SH3KBP1: variants seen among roughly 807,000 people sequenced by gnomAD.
SH3KBP1 encodes SH3 domain-containing kinase-binding protein 1.
Under a neutral mutation model 50.1 loss-of-function variants are expected in SH3KBP1, and 8 were observed. That is an observed-to-expected ratio of 0.16 (90% confidence interval 0.09 to 0.29). The LOEUF (loss-of-function observed/expected upper bound fraction) is 0.29, where lower values mean the gene tolerates loss of function less well. Among genes scored for constraint, SH3KBP1 ranks in the 10% least tolerant of loss-of-function variants. The pLI, the probability that SH3KBP1 is intolerant of heterozygous loss-of-function variation, is 1.00. For missense variants in SH3KBP1, 377 were observed against 535.2 expected, an observed-to-expected ratio of 0.70 and a Z score of 2.92; for synonymous variants, 227 against 218.6, an observed-to-expected ratio of 1.04 and a Z score of -0.34.
rs764969436 is a variant in SH3KBP1 at position 19,569,141 on chromosome X, A to G, written c.1346T>C (p.Ile449Thr). The G allele has an allele frequency of 1.7e-6, 2 of 1,211,728 alleles. No individual in the cohort carries two copies. The highest frequency in any genetic ancestry group is 3.5e-5 in the South Asian group (2 of 57,023). ...IDLAGSSLSG[I>T]LDKDLSDRSN... ...GCGGTCCGAGAGATCTTTGTCCAGG[A>G]TGCCAGATAGCGAACTGCCGGCCAA... Residue 449 changes from isoleucine to threonine, a missense_variant, in exon 13 of 18, where the codon ATC becomes ACC. By Grantham distance (89) the Ile-to-Thr change is moderately conservative. Coordinates refer to ENST00000397821, the MANE Select transcript of SH3KBP1 (RefSeq NM_031892.3).
At chrX:19,608,136 C>A in intron 8 of SH3KBP1, 91 bp from the exon 9 acceptor site, 1 of 714,472 alleles carries the variant, frequency 1.4e-6, no homozygotes, top group Non-Finnish European at 2.1e-6. Flanking sequence ...GAGGCCCTTT[C>A]CTGGAGGTCC....
chrX:19,616,086 C>T (rs1395872489), intron 8 of SH3KBP1, among the ~76,000 whole-genome samples: 3 of 110,788 alleles, frequency 2.7e-5, no homozygotes, highest in Admixed American at 1.9e-4. Flanking sequence ...CTCAGTCTCT[C>T]GAGCAGCCAA....
intron 2 of SH3KBP1, among the ~76,000 whole-genome samples, chrX:19,778,430 CAA>C (rs374544534): frequency 6.4e-5 from 3 of 46,524 alleles, no homozygotes; most frequent in African/African-American, 7.6e-5. Flanking sequence ...GACTCCATCT[CAA>C]AAAAAAAAAA....
chrX:19,877,236 G>T (rs1195716296), intron 1 of SH3KBP1, among the ~76,000 whole-genome samples: 1 of 111,904 alleles, frequency 8.9e-6, no homozygotes. Flanking sequence ...TGTTTTTGCT[G>T]GTTTTGTTTT....
intron 7 of SH3KBP1, among the ~76,000 whole-genome samples, chrX:19,641,416 T>A (rs1384959337): frequency 8.9e-6 from 1 of 112,765 alleles, no homozygotes; most frequent in Admixed American, 9.4e-5. Flanking sequence ...GTATTTCAAG[T>A]TTCATTATAT....
At chrX:19,577,942 T>C (rs749991248) in intron 12 of SH3KBP1, among the ~76,000 whole-genome samples, 7 of 110,273 alleles carry the variant, frequency 6.3e-5, no homozygotes, top group Non-Finnish European at 1.3e-4. Flanking sequence ...CCTACAAAAT[T>C]TGACAAGGAG....
At chrX:19,787,631 A>G (rs4825314) in intron 2 of SH3KBP1, among the ~76,000 whole-genome samples, 29,473 of 111,316 alleles carry the variant, frequency 0.26, 4,768 homozygotes, top group African/African-American at 0.62. Flanking sequence ...AGCATCTGTG[A>G]TGGGGACACA....
At chrX:19,696,466 G>T (rs766636516) in intron 4 of SH3KBP1, among the ~76,000 whole-genome samples, 82 of 111,689 alleles carry the variant, frequency 7.3e-4, no homozygotes, top group Non-Finnish European at 1.3e-3. Flanking sequence ...AGGGTTCTAA[G>T]TTACCCTAAG....
chrX:19,861,115 G>A (rs2068764261), intron 1 of SH3KBP1, among the ~76,000 whole-genome samples: 1 of 111,437 alleles, frequency 9.0e-6, no homozygotes. Context: ...GGTGGCTCAC[G>A]CCTGTAATCC....
chrX:19,804,038 G>T (rs1221718628), intron 2 of SH3KBP1, among the ~76,000 whole-genome samples: 1 of 111,896 alleles, frequency 8.9e-6, no homozygotes, highest in African/African-American at 3.3e-5. Context: ...CAGGCATGGT[G>T]GCGGGTGCCT....
chrX:19,852,736 C>T (rs1157627177), intron 1 of SH3KBP1, among the ~76,000 whole-genome samples: 1 of 110,779 alleles, frequency 9.0e-6, no homozygotes, highest in Admixed American at 9.7e-5. Context: ...AGGCCTGCTG[C>T]CCTTCTACAT....
At position 19,745,202 on chromosome X, in the gene SH3KBP1, C is replaced by T. The variant is rs542094990; in HGVS notation, c.286+1116G>A. 2.4e-3 allele frequency among the ~76,000 whole-genome samples: 265 copies of T among 112,473 alleles called. 1 individual carries two copies. The highest frequency in any genetic ancestry group is 0.014 in the South Asian group (38 of 2,748). On this transcript the variant is annotated intron_variant, in intron 3 of 17. Transcript: ENST00000397821. ...CACTTAATTCTTAAAATGGGAAATC[C>T]CCTGCTTTGGTAGGATGAATTTAAC...
intron 7 of SH3KBP1, among the ~76,000 whole-genome samples, chrX:19,635,176 A>C (rs1385211361): frequency 1.8e-5 from 2 of 112,194 alleles, no homozygotes; most frequent in Non-Finnish European, 3.8e-5. Flanking sequence ...TAGTATTAGA[A>C]AATAAAAATA....
At chrX:19,700,956 A>T (rs772963970) in intron 4 of SH3KBP1, among the ~76,000 whole-genome samples, 5 of 112,323 alleles carry the variant, frequency 4.5e-5, no homozygotes, top group African/African-American at 1.6e-4. Context: ...CGGCCCTCGA[A>T]GAGAAATCTG....
At chrX:19,554,038 A>AATATATATTAAAATATAATATATT in intron 13 of SH3KBP1, among the ~76,000 whole-genome samples, 1 of 62,028 alleles carries the variant, frequency 1.6e-5, no homozygotes, top group Non-Finnish European at 2.5e-5. Context: ...TATAATATAT[A>AATATATATTAAAATATAATATATT]ATATATATTA....
At chrX:19,737,362 T>C (rs1377658043) in intron 3 of SH3KBP1, among the ~76,000 whole-genome samples, 2 of 111,426 alleles carry the variant, frequency 1.8e-5, no homozygotes, top group Non-Finnish European at 3.8e-5. Flanking sequence ...GCCTGGGATG[T>C]CAATAAGTGG....
At chrX:19,879,042 GAGACCAGCCTGGGCAACA>G (rs1209513488) in intron 1 of SH3KBP1, among the ~76,000 whole-genome samples, 1 of 111,983 alleles carries the variant, frequency 8.9e-6, no homozygotes, top group East Asian at 2.8e-4. Context: ...CCAGGAGTTC[GAGACCAGCCTGGGCAACA>G]TGGCGAAGCC....
intron 8 of SH3KBP1, among the ~76,000 whole-genome samples, chrX:19,622,938 T>C (rs2067885765): frequency 9.5e-6 from 1 of 105,015 alleles, no homozygotes; most frequent in Non-Finnish European, 1.9e-5. Context: ...AGCTCATCAG[T>C]AGGCTGAGGC....
intron 2 of SH3KBP1, among the ~76,000 whole-genome samples, chrX:19,830,342 CAA>C (rs369662489): frequency 1.2e-4 from 11 of 90,464 alleles, no homozygotes; most frequent in African/African-American, 4.0e-4. Context: ...TACGTAGAAA[CAA>C]AAAAAAAAAA....
Sources: gnomAD v4.1 joint callset for allele counts (sites outside exome capture counted in the v4.1 genomes callset) on GRCh38, gnomAD v4.1.1 for gene constraint, MANE v1.5 for transcripts, NCBI Gene and HGNC (gene_info 2026-07-23, HGNC 2026-07-21) for gene names.